Variants in HECW2 observed in about 807,000 individuals in gnomAD.
HECW2 encodes E3 ubiquitin-protein ligase HECW2.
Under a neutral mutation model 175.2 loss-of-function variants are expected in HECW2, and 61 were observed. The ratio of observed to expected loss-of-function variants is 0.35; its 90% CI spans 0.28 to 0.43. The LOEUF (loss-of-function observed/expected upper bound fraction) is 0.43, where lower values mean the gene tolerates loss of function less well. Ranked by LOEUF, HECW2 falls within the 20% of genes least tolerant of loss-of-function variation. The pLI is 1.00. For missense variants in HECW2, 1,524 were observed against 2,000.5 expected, an observed-to-expected ratio of 0.76 and a Z score of 4.54; for synonymous variants, 671 against 731.0, an observed-to-expected ratio of 0.92 and a Z score of 1.32.
At chr2:196,453,477 G>C (rs1696408132) in intron 1 of HECW2, among the ~76,000 whole-genome samples, 1 of 152,152 alleles carries the variant, frequency 6.6e-6, no homozygotes, top group South Asian at 2.1e-4. Context: ...CTAACACTTA[G>C]GAAGGAGAGT....
intron 17 of HECW2, among the ~76,000 whole-genome samples, chr2:196,259,855 T>A (rs916598658): frequency 2.0e-5 from 3 of 152,188 alleles, no homozygotes; most frequent in Non-Finnish European, 4.4e-5. Flanking sequence ...GAACTACTCT[T>A]ATAAGGGTCA....
chr2:196,398,761 T>A (rs890497811), intron 2 of HECW2, among the ~76,000 whole-genome samples: 2 of 152,210 alleles, frequency 1.3e-5, no homozygotes, highest in Admixed American at 1.3e-4. Context: ...AGCAAAAGAC[T>A]CACGTTATTC....
At chr2:196,521,886 T>G (rs1170580082) in intron 1 of HECW2, among the ~76,000 whole-genome samples, 8 of 151,338 alleles carry the variant, frequency 5.3e-5, no homozygotes, top group African/African-American at 1.9e-4. Context: ...CTATCATTGT[T>G]GGACATTTGG....
intron 28 of HECW2, among the ~76,000 whole-genome samples, chr2:196,207,723 T>C (rs1421921709): frequency 1.3e-5 from 2 of 152,208 alleles, no homozygotes; most frequent in Non-Finnish European, 2.9e-5. Context: ...GTTCGGCACT[T>C]AGTAAAGCCA....
intron 2 of HECW2, among the ~76,000 whole-genome samples, chr2:196,347,387 T>C (rs1328324850): frequency 6.6e-6 from 1 of 151,876 alleles, no homozygotes; most frequent in Non-Finnish European, 1.5e-5. Flanking sequence ...AAATACAAAA[T>C]ACAAAATAGA....
intron 28 of HECW2, among the ~76,000 whole-genome samples, chr2:196,209,376 A>T (rs1217188257): frequency 6.6e-6 from 1 of 152,212 alleles, no homozygotes; most frequent in African/African-American, 2.4e-5. Flanking sequence ...CCCAAAGTAA[A>T]GACCAATCCA....
At chr2:196,580,215 GACA>G (rs35677523) in intron 1 of HECW2, among the ~76,000 whole-genome samples, 5,351 of 152,206 alleles carry the variant, frequency 0.035, 305 homozygotes, top group African/African-American at 0.12. Flanking sequence ...GGGAGAAATG[GACA>G]ACAATAGTCA....
chr2:196,269,524 CATG>C (rs1332355078), intron 17 of HECW2: 3 of 91,692 alleles, frequency 3.3e-5, no homozygotes, highest in African/African-American at 1.5e-4. Flanking sequence ...AAAAAAAAGA[CATG>C]AGACCAAGAA....
chr2:196,375,608 C>A (rs1266044663), intron 2 of HECW2, among the ~76,000 whole-genome samples: 1 of 152,138 alleles, frequency 6.6e-6, no homozygotes, highest in East Asian at 1.9e-4. Flanking sequence ...AAAAGACTGG[C>A]AAGTGTATAC....
intron 2 of HECW2, among the ~76,000 whole-genome samples, chr2:196,355,941 G>A (rs183180724): frequency 1.2e-3 from 188 of 152,292 alleles, no homozygotes; most frequent in African/African-American, 3.9e-3. Flanking sequence ...CCTGAATGAA[G>A]CAGGGGACTG....
chr2:196,482,833 CCTTT>C (rs1412578460), intron 1 of HECW2, among the ~76,000 whole-genome samples: 2 of 152,106 alleles, frequency 1.3e-5, no homozygotes, highest in East Asian at 3.8e-4. Context: ...AAATGCAGAG[CCTTT>C]CTGAGTGGGA....
intron 2 of HECW2, among the ~76,000 whole-genome samples, chr2:196,352,894 G>A (rs181931121): frequency 2.0e-5 from 3 of 152,278 alleles, no homozygotes; most frequent in East Asian, 1.9e-4. Flanking sequence ...AGATAATAAG[G>A]AGCAGTTCAG....
In HECW2 at chr2:196,495,072, C is replaced by CT. The variant is rs113446687; in HGVS notation, c.-35-61615dup. On this transcript the variant is annotated intron_variant, in intron 1 of 28. Transcript: ENST00000644978. ...TTGGTAAAATGTAACATATATCATT[C>CT]TTTTTTTTTTTTTTGAGATGGAGTC... is the stretch of plus-strand genomic sequence containing the variant. Among the ~76,000 whole-genome samples, 1,410 of 144,188 alleles carry CT rather than the reference C, an allele frequency of 9.8e-3. 15 individuals carry two copies. The highest frequency in any genetic ancestry group is 0.019 in the African/African-American group (763 of 39,326). The allele number at this position is 144,188 out of a possible 152,430, so 94.6% of individuals were successfully genotyped here.
At position 196,514,160 on chromosome 2, in the gene HECW2, T is replaced by G. The variant is rs990760037; in HGVS notation, c.-36+79348A>C. Among the ~76,000 whole-genome samples the G allele has an allele frequency of 2.6e-5, 4 of 152,200 alleles. No individual in the cohort carries two copies. The East Asian group carries it at 7.7e-4, about 29-fold the overall frequency. The stretch of plus-strand genomic sequence containing the variant: ...ACCCCATAGTCTCAGAAGTACCTGT[T>G]CCAACTGCCCGGCCTCTCCCTGCTT... On this transcript the variant is annotated intron_variant, in intron 1 of 28. Coordinates refer to ENST00000644978, the MANE Select transcript of HECW2 (RefSeq NM_001348768.2).
chr2:196,353,032 T>C (rs1005675752), intron 2 of HECW2, among the ~76,000 whole-genome samples: 1 of 152,226 alleles, frequency 6.6e-6, no homozygotes, highest in Non-Finnish European at 1.5e-5. Flanking sequence ...TGGCTTGCAG[T>C]GTCCACAGGA....
intron 2 of HECW2, among the ~76,000 whole-genome samples, chr2:196,376,349 G>A (rs1196192173): frequency 2.0e-5 from 3 of 152,106 alleles, no homozygotes; most frequent in Non-Finnish European, 2.9e-5. Context: ...ATAGATTTTC[G>A]GCTGGGCACA....
At chr2:196,591,723 G>A (rs1158578412) in intron 1 of HECW2, among the ~76,000 whole-genome samples, 2 of 152,030 alleles carry the variant, frequency 1.3e-5, no homozygotes, top group African/African-American at 4.8e-5. Context: ...TAGTCTGCTA[G>A]GGATGCCATC....
At chr2:196,505,906 G>A (rs1687742825) in intron 1 of HECW2, among the ~76,000 whole-genome samples, 1 of 152,166 alleles carries the variant, frequency 6.6e-6, no homozygotes, top group African/African-American at 2.4e-5. Flanking sequence ...TGGGAGGTAG[G>A]GCTGGGAACA....
In HECW2 at chr2:196,197,442, T is replaced by G. The variant is rs976644828; in HGVS notation, c.*3835A>C. ...TGTTTCCAAATAATACTTGAGAAAATTAAATGACTATTCTGTATAAATCCA... is the reference window on the plus strand; with the variant it reads ...TGTTTCCAAATAATACTTGAGAAAAGTAAATGACTATTCTGTATAAATCCA... On this transcript the variant is annotated 3_prime_UTR_variant, in exon 29 of 29. Transcript: ENST00000644978. 1 of 151,860 alleles carries G rather than the reference T, an allele frequency of 6.6e-6. No individual in the cohort carries two copies. The highest frequency in any genetic ancestry group is 2.4e-5 in the African/African-American group (1 of 41,310). 9.4% of individuals were successfully genotyped at this position (151,860 alleles called of 1,614,324 possible). A position where few individuals can be genotyped will look rare whatever the true frequency, so the allele number is the denominator to read the frequency against.
Sources: allele counts gnomAD v4.1 joint callset (sites outside exome capture counted in the v4.1 genomes callset), GRCh38; gene constraint gnomAD v4.1.1; transcripts MANE v1.5; gene names NCBI Gene and HGNC (gene_info 2026-07-23, HGNC 2026-07-21).